The following LY6S variants were observed in gnomAD, a reference collection of about 807,000 sequenced individuals.
LY6S encodes the protein lymphocyte antigen 6S.
the LY6S span, among the ~76,000 whole-genome samples, chr8:143,070,464 AATATATATATAAATATATATATATATT>A: frequency 8.8e-5 from 3 of 34,214 alleles, 1 homozygote; most frequent in African/African-American, 3.4e-4. Context: ...ATATATATAT[AATATATATATAAATATATATATATATT>A]TTTTTTTTTT....
At chr8:143,063,366 G>C in the LY6S span, among the ~76,000 whole-genome samples, 1 of 152,176 alleles carries the variant, frequency 6.6e-6, no homozygotes, top group African/African-American at 2.4e-5. Context: ...CTTTCCATCA[G>C]TCCAGAGGAT....
At chr8:143,065,144 T>C in the LY6S span, among the ~76,000 whole-genome samples, 6 of 152,326 alleles carry the variant, frequency 3.9e-5, no homozygotes, top group Admixed American at 3.9e-4. Flanking sequence ...TGCCCTGCTC[T>C]GGACTCTGTG....
the LY6S span, among the ~76,000 whole-genome samples, chr8:143,072,783 T>G: frequency 2.8e-5 from 4 of 140,898 alleles, no homozygotes. Context: ...ACAGCCGTCG[T>G]CCCCGGGGTC....
At chr8:143,048,833 C>G in the LY6S span, among the ~76,000 whole-genome samples, 3,858 of 152,270 alleles carry the variant, frequency 0.025, 84 homozygotes, top group Non-Finnish European at 0.037. Flanking sequence ...CATTTTCCAC[C>G]TCCTTCAGAT....
At chr8:143,050,094 G>T in the LY6S span, among the ~76,000 whole-genome samples, 1 of 152,114 alleles carries the variant, frequency 6.6e-6, no homozygotes, top group South Asian at 2.1e-4. Flanking sequence ...AAAGCAGCTG[G>T]ACTCTGCGCC....
chr8:143,044,524 CG>C, the LY6S span: 1 of 359,014 alleles, frequency 2.8e-6, no homozygotes, highest in Non-Finnish European at 5.5e-6. Context: ...AGGTCCTGCC[CG>C]CCATGCCCAC....
the LY6S span, chr8:143,065,765 T>TC: frequency 1.4e-5 from 2 of 145,234 alleles, no homozygotes; most frequent in Admixed American, 6.9e-5. Context: ...TTTCTTTCTT[T>TC]CTTTTCTCTT....
the LY6S span, chr8:143,044,670 C>A: frequency 4.4e-3 from 6,037 of 1,366,742 alleles, 203 homozygotes; most frequent in African/African-American, 0.08. Context: ...TGCCCTGGCA[C>A]CCCAGGGACT....
chr8:143,073,798 C>T, the LY6S span, among the ~76,000 whole-genome samples: 1 of 138,720 alleles, frequency 7.2e-6, no homozygotes, highest in Non-Finnish European at 1.5e-5. Context: ...AGGAGACAGC[C>T]GTCGTCCCCG....
chr8:143,061,412 T>C, the LY6S span, among the ~76,000 whole-genome samples: 1 of 152,242 alleles, frequency 6.6e-6, no homozygotes, highest in African/African-American at 2.4e-5. Flanking sequence ...CATTTGTACA[T>C]ATCTAATAAA....
At chr8:143,045,205 G>A in the LY6S span, among the ~76,000 whole-genome samples, 3 of 152,108 alleles carry the variant, frequency 2.0e-5, no homozygotes, top group African/African-American at 2.4e-5. The surrounding 1 kb of genome is among the most constrained non-coding windows in gnomAD (Gnocchi z 5.3). Context: ...ACACCCACCT[G>A]CAACTAGTTC....
chr8:143,049,249 C>A, the LY6S span: 1 of 534,804 alleles, frequency 1.9e-6, no homozygotes, highest in Non-Finnish European at 3.8e-6. Flanking sequence ...TCTACTCTCA[C>A]TGAACACCCC....
chr8:143,054,886 G>A, the LY6S span, among the ~76,000 whole-genome samples: 2 of 152,176 alleles, frequency 1.3e-5, no homozygotes, highest in Non-Finnish European at 2.9e-5. Context: ...ACGGCAGAGG[G>A]CCTCATGAGT....
chr8:143,060,692 G>T, the LY6S span, among the ~76,000 whole-genome samples: 29 of 152,134 alleles, frequency 1.9e-4, no homozygotes, highest in Non-Finnish European at 2.9e-5. Flanking sequence ...TGGTGGTAGT[G>T]GTCCCCAGGG....
At chr8:143,065,782 TTTTTCTTTCTTTC>T in the LY6S span, 2 of 30,438 alleles carry the variant, frequency 6.6e-5, no homozygotes, top group African/African-American at 3.1e-4. Flanking sequence ...TCTTTCTTTC[TTTTTCTTTCTTTC>T]TTTCTTTCTT....
the LY6S span, chr8:143,059,846 T>C: frequency 6.6e-6 from 1 of 151,796 alleles, no homozygotes; most frequent in Non-Finnish European, 1.5e-5. Context: ...TTCTGAATTG[T>C]TCATGAGTGT....
At chr8:143,056,533 G>A in the LY6S span, among the ~76,000 whole-genome samples, 55 of 152,156 alleles carry the variant, frequency 3.6e-4, no homozygotes, top group Admixed American at 2.0e-3. Context: ...TTACTGTAAA[G>A]GCAGAAGTGA....
chr8:143,070,474 TAAATATATA>T, the LY6S span, among the ~76,000 whole-genome samples: 1 of 49,780 alleles, frequency 2.0e-5, no homozygotes, highest in African/African-American at 7.8e-5. Flanking sequence ...AATATATATA[TAAATATATA>T]TATATATTTT....
At chr8:143,055,044 G>A in the LY6S span, among the ~76,000 whole-genome samples, 6 of 152,174 alleles carry the variant, frequency 3.9e-5, no homozygotes, top group Non-Finnish European at 8.8e-5. Context: ...GTCGTAGAAC[G>A]AATTAAAAAC....
Sources: allele counts gnomAD v4.1 joint callset (sites outside exome capture counted in the v4.1 genomes callset), GRCh38; gene constraint gnomAD v4.1.1; non-coding constraint Gnocchi (gnomAD v3.1); transcripts MANE v1.5; gene names NCBI Gene and HGNC (gene_info 2026-07-23, HGNC 2026-07-21).